Variants in NTM observed in about 807,000 individuals in gnomAD.
The protein encoded by NTM is IgLON family member 2.
Under a neutral mutation model 42.1 loss-of-function variants are expected in NTM, and 13 were observed. The ratio of observed to expected loss-of-function variants is 0.31; its 90% CI spans 0.20 to 0.49. NTM has a LOEUF of 0.49. NTM is among the 20% of genes least tolerant of loss of function. The probability of loss-of-function intolerance (pLI) is 0.99; values close to 1 mark genes in which losing one functional copy is unlikely to be tolerated. For synonymous variants in NTM, 187 were observed against 179.2 expected (o/e 1.04, Z -0.35); for missense variants, 373 against 452.8 (o/e 0.82, Z 1.60).
intron 1 of NTM, among the ~76,000 whole-genome samples, chr11:131,427,853 C>A (rs1344359282): frequency 6.6e-6 from 1 of 152,210 alleles, no homozygotes; most frequent in Non-Finnish European, 1.5e-5. Context: ...TCGCTGTATT[C>A]CTCTGCTCCT....
chr11:131,839,900 A>C (rs998013703), intron 1 of NTM, among the ~76,000 whole-genome samples: 1 of 152,214 alleles, frequency 6.6e-6, no homozygotes, highest in Non-Finnish European at 1.5e-5. Flanking sequence ...AGAGAGACAC[A>C]TGACTTCCAA....
intron 1 of NTM, among the ~76,000 whole-genome samples, chr11:131,696,189 G>T (rs1592597945): frequency 6.6e-6 from 1 of 152,172 alleles, no homozygotes; most frequent in African/African-American, 2.4e-5. Flanking sequence ...GTAGTATGGG[G>T]TGTGGGGTGA....
intron 4 of NTM, among the ~76,000 whole-genome samples, chr11:132,280,408 G>T (rs561834324): frequency 4.4e-4 from 66 of 149,382 alleles, no homozygotes; most frequent in African/African-American, 1.6e-3. Context: ...GGTGAACTTA[G>T]TCTCAGCACC....
At chr11:132,299,251 C>T (rs1012158420) in intron 4 of NTM, among the ~76,000 whole-genome samples, 10 of 152,070 alleles carry the variant, frequency 6.6e-5, no homozygotes, top group Non-Finnish European at 1.2e-4. Flanking sequence ...GCTGAGATTG[C>T]GCCACTGCAC....
At chr11:132,070,912 A>C (rs1485032514) in intron 2 of NTM, among the ~76,000 whole-genome samples, 2 of 140,406 alleles carry the variant, frequency 1.4e-5, no homozygotes, top group African/African-American at 2.6e-5. Flanking sequence ...TGACCGTCAC[A>C]GGTTAGTTAA....
rs114064929 is a variant in NTM, at chr11:131,825,903, A to G, written c.83-85661A>G. Among the ~76,000 whole-genome samples the G allele has an allele frequency of 9.9e-4, 151 of 152,280 alleles. 2 individuals carry two copies. The highest frequency in any genetic ancestry group is 3.3e-3 in the African/African-American group (139 of 41,564). ...TTAAATATCCTAGAGGAAACAGCGA[A>G]TATGTTTTTGGAGGATTTTTGAGGT... On this transcript the variant is annotated intron_variant, in intron 1 of 8. Coordinates refer to ENST00000683400, the MANE Select transcript of NTM (RefSeq NM_001352005.2).
intron 4 of NTM, among the ~76,000 whole-genome samples, chr11:132,251,771 T>G (rs905204880): frequency 2.0e-5 from 3 of 152,222 alleles, no homozygotes; most frequent in Non-Finnish European, 4.4e-5. Context: ...TACGTATGAA[T>G]GTGCCGTTTG....
chr11:132,021,158 G>T (rs1012937618), intron 2 of NTM, among the ~76,000 whole-genome samples: 1 of 151,844 alleles, frequency 6.6e-6, no homozygotes, highest in Non-Finnish European at 1.5e-5. Flanking sequence ...ATCTGCTGTT[G>T]GGTCCTCCAG....
At chr11:132,119,343 T>C (rs902866591) in intron 2 of NTM, among the ~76,000 whole-genome samples, 1 of 92,814 alleles carries the variant, frequency 1.1e-5, no homozygotes. Context: ...CATCACTCCT[T>C]GTACTCCTGG....
intron 1 of NTM, among the ~76,000 whole-genome samples, chr11:131,683,108 A>T (rs2073256271): frequency 6.6e-6 from 1 of 152,214 alleles, no homozygotes; most frequent in Admixed American, 6.5e-5. Context: ...ATTATAACTG[A>T]ACTTTCCCTC....
At chr11:132,093,275 G>A (rs1418557822) in intron 2 of NTM, among the ~76,000 whole-genome samples, 1 of 152,054 alleles carries the variant, frequency 6.6e-6, no homozygotes, top group Non-Finnish European at 1.5e-5. Flanking sequence ...GTTCTCTCTT[G>A]CATCTAGACC....
At chr11:132,209,083 T>G (rs891253567) in intron 3 of NTM, among the ~76,000 whole-genome samples, 1 of 152,122 alleles carries the variant, frequency 6.6e-6, no homozygotes, top group African/African-American at 2.4e-5. Flanking sequence ...ATGCTCTAGT[T>G]AAAACTCTGA....
chr11:132,169,320 C>CTTTTTTTTTTT (rs567723794), intron 3 of NTM, among the ~76,000 whole-genome samples: 349 of 32,384 alleles, frequency 0.011, 127 homozygotes, highest in South Asian at 0.015. Context: ...AATTTTTTTA[C>CTTTTTTTTTTT]TTTTTTTTTT....
chr11:131,501,589 G>A (rs762534937), intron 1 of NTM, among the ~76,000 whole-genome samples: 73 of 152,288 alleles, frequency 4.8e-4, no homozygotes, highest in African/African-American at 1.6e-3. Flanking sequence ...AAAAGGTCAG[G>A]CTGGCTGCTT....
intron 2 of NTM, among the ~76,000 whole-genome samples, chr11:132,058,594 CAGGG>C (rs2080108985): frequency 1.3e-5 from 2 of 152,156 alleles, no homozygotes; most frequent in African/African-American, 4.8e-5. Context: ...TGCTATCTTT[CAGGG>C]ATTATTCAAG....
intron 2 of NTM, among the ~76,000 whole-genome samples, chr11:132,015,892 A>T (rs2073317010): frequency 1.3e-5 from 2 of 151,896 alleles, no homozygotes; most frequent in Admixed American, 6.6e-5. Context: ...CTCCATTCCA[A>T]TTTAGATGCC....
chr11:131,617,534 T>C (rs2062065818), intron 1 of NTM, among the ~76,000 whole-genome samples: 17 of 152,160 alleles, frequency 1.1e-4, no homozygotes, highest in Admixed American at 1.1e-3. Flanking sequence ...TGACTGCCTG[T>C]GCTCAGCATG....
In NTM at chr11:132,319,730, C is replaced by A. The variant is rs544046810; in HGVS notation, c.934+5027C>A. 3.9e-4 allele frequency among the ~76,000 whole-genome samples: 60 copies of A among 152,360 alleles called. 1 individual carries two copies. The highest frequency in any genetic ancestry group is 1.4e-3 in the African/African-American group (59 of 41,590). On this transcript the variant is annotated intron_variant, in intron 7 of 8. Transcript: ENST00000683400. Reference sequence around the variant, plus strand: ...ACACAAAAGACAGCAGTAACCTCTGCAGACTTAAATGTCCCTCTCAGACAG... The same window carrying A: ...ACACAAAAGACAGCAGTAACCTCTGAAGACTTAAATGTCCCTCTCAGACAG...
At chr11:132,187,363 T>C (rs76728911) in intron 3 of NTM, among the ~76,000 whole-genome samples, 4,677 of 152,226 alleles carry the variant, frequency 0.031, 243 homozygotes, top group African/African-American at 0.1. Context: ...TCTTAGCTGT[T>C]CTGTTTTAGT....
Sources: gnomAD v4.1 joint callset for allele counts (sites outside exome capture counted in the v4.1 genomes callset) on GRCh38, gnomAD v4.1.1 for gene constraint, MANE v1.5 for transcripts, NCBI Gene and HGNC (gene_info 2026-07-23, HGNC 2026-07-21) for gene names.